The following MKX variants were observed in gnomAD, a reference collection of about 807,000 sequenced individuals.
MKX encodes homeobox protein Mohawk.
A neutral mutation model predicts 36.0 loss-of-function variants in MKX; 13 were observed. That is an observed-to-expected ratio of 0.36 (90% CI 0.24 to 0.57). MKX has a LOEUF of 0.57. MKX is among the 20% of genes least tolerant of loss of function. MKX has a pLI of 0.79. For missense variants in MKX, 458 were observed against 456.4 expected, an observed-to-expected ratio of 1.00 and a Z score of -0.03; for synonymous variants, 176 against 178.3, an observed-to-expected ratio of 0.99 and a Z score of 0.10.
Position 27,674,156 on chromosome 10 carries a change from C to G in MKX, c.*1073G>C, listed in dbSNP as rs1836099622. 6.6e-6 allele frequency: 1 copy of G among 152,276 alleles called. No homozygotes were observed. The highest frequency in any genetic ancestry group is 1.9e-4 in the East Asian group (1 of 5,190). 9.4% of individuals were successfully genotyped at this position (152,276 alleles called of 1,614,324 possible). A position where few individuals can be genotyped will look rare whatever the true frequency, so the allele number is the denominator to read the frequency against. On this transcript the variant is annotated 3_prime_UTR_variant, in exon 7 of 7. Coordinates refer to ENST00000419761, the MANE Select transcript of MKX (RefSeq NM_173576.3). ...ACTTCATTTTTACTTTAATGTCCAA[C>G]TTGGCAAAATTCAAACTGTTCAATG... is the stretch of plus-strand genomic sequence containing the variant.
In MKX at chr10:27,744,711, T is replaced by TACACACACACACAC. The variant is rs3063184; in HGVS notation, c.-83+982_-83+995dup. 4.9e-5 allele frequency: 7 copies of TACACACACACACAC among 142,522 alleles called. No individual in the cohort carries two copies. Among genetic ancestry groups the TACACACACACACAC allele is most frequent in the South Asian group, 2.3e-4 (1 of 4,374 alleles). 8.8% of individuals were successfully genotyped at this position (142,522 alleles called of 1,614,324 possible). On this transcript the variant is annotated intron_variant, in intron 1 of 6. Coordinates refer to ENST00000419761, the MANE Select transcript of MKX (RefSeq NM_173576.3). The surrounding 1 kb of genome is among the most constrained non-coding windows in gnomAD (Gnocchi z 5.6). ...CTCCACTAACACACGCGCGCGCGCATACACACACACACACACACACACACA... is the reference window on the plus strand; with the variant it reads ...CTCCACTAACACACGCGCGCGCGCATACACACACACACACACACACACACACACACACACACACA...
At chr10:27,721,125 A>T (rs1015621331) in intron 5 of MKX, among the ~76,000 whole-genome samples, 18 of 152,216 alleles carry the variant, frequency 1.2e-4, no homozygotes, top group Non-Finnish European at 1.5e-5. Flanking sequence ...TATCATGGAC[A>T]AAAATATTCT....
In MKX at chr10:27,672,923, C is replaced by A. The variant is rs1162966917; in HGVS notation, c.*2306G>T. On this transcript the variant is annotated 3_prime_UTR_variant, in exon 7 of 7. Transcript: ENST00000419761. ...TTTTAAATCTGTCAAGAACTCCTGG[C>A]AGTTATTAATTTTATTAAAATGATT... 1 of 152,108 alleles carries A rather than the reference C, an allele frequency of 6.6e-6. No individual in the cohort carries two copies. The highest frequency in any genetic ancestry group is 1.5e-5 in the Non-Finnish European group (1 of 68,012). 9.4% of individuals were successfully genotyped at this position (152,108 alleles called of 1,614,324 possible).
At chr10:27,735,424 G>C in intron 3 of MKX, 50 bp from the exon 4 acceptor site, 4 of 1,508,450 alleles carry the variant, frequency 2.7e-6, no homozygotes, top group Non-Finnish European at 3.6e-6. Context: ...CATTATCCAT[G>C]GTGCGATTAT....
At chr10:27,743,182 C>T in intron 2 of MKX, 46 bp downstream of exon 2, 2 of 1,409,776 alleles carry the variant, frequency 1.4e-6, no homozygotes. Context: ...CCACCCCCAC[C>T]CCTCCGGGCC....
intron 5 of MKX, among the ~76,000 whole-genome samples, chr10:27,688,737 C>G (rs1368486554): frequency 6.6e-6 from 1 of 152,174 alleles, no homozygotes; most frequent in Non-Finnish European, 1.5e-5. Flanking sequence ...TATAGTGCTT[C>G]TTAGCTAAAT....
At chr10:27,707,528 T>A (rs1836778393) in intron 5 of MKX, among the ~76,000 whole-genome samples, 1 of 151,984 alleles carries the variant, frequency 6.6e-6, no homozygotes, top group Non-Finnish European at 1.5e-5. Context: ...CCTGGGTAAT[T>A]AGGAGGCAAC....
At chr10:27,712,430 T>C (rs1836889722) in intron 5 of MKX, among the ~76,000 whole-genome samples, 1 of 152,104 alleles carries the variant, frequency 6.6e-6, no homozygotes, top group African/African-American at 2.4e-5. Flanking sequence ...GTTTGGGAGT[T>C]GAAGCAGGAG....
chr10:27,700,969 T>C (rs1345312353), intron 5 of MKX, among the ~76,000 whole-genome samples: 1 of 152,186 alleles, frequency 6.6e-6, no homozygotes, highest in Admixed American at 6.5e-5. Context: ...TAGGTGTATA[T>C]ACCTATTTTA....
intron 5 of MKX, among the ~76,000 whole-genome samples, chr10:27,711,469 TTC>T (rs368158348): frequency 0.031 from 250 of 8,016 alleles, 3 homozygotes; most frequent in African/African-American, 0.078. Flanking sequence ...CTTTCTTTCT[TTC>T]TTTCTTTCTT....
At chr10:27,716,881 G>A (rs764420050) in intron 5 of MKX, among the ~76,000 whole-genome samples, 2 of 152,138 alleles carry the variant, frequency 1.3e-5, no homozygotes, top group Non-Finnish European at 2.9e-5. Context: ...CTATACAGAT[G>A]TAATTAAGAT....
intron 5 of MKX, among the ~76,000 whole-genome samples, chr10:27,677,484 C>T (rs900311517): frequency 3.3e-5 from 5 of 152,076 alleles, no homozygotes; most frequent in African/African-American, 1.2e-4. Flanking sequence ...GGCAAAATTT[C>T]CCAGGAAGAG....
At chr10:27,694,581 GC>G (rs1162248776) in intron 5 of MKX, among the ~76,000 whole-genome samples, 1 of 147,614 alleles carries the variant, frequency 6.8e-6, no homozygotes, top group Non-Finnish European at 1.5e-5. Flanking sequence ...TGTAGTCCCA[GC>G]TACTCGGGAG....
chr10:27,701,404 T>C (rs982679689), intron 5 of MKX, among the ~76,000 whole-genome samples: 25 of 146,882 alleles, frequency 1.7e-4, no homozygotes, highest in African/African-American at 6.2e-4. Flanking sequence ...AATTATAAAA[T>C]ATAACAGGTT....
intron 5 of MKX, among the ~76,000 whole-genome samples, chr10:27,711,779 T>A (rs564892843): frequency 1.3e-5 from 2 of 149,326 alleles, no homozygotes; most frequent in South Asian, 4.3e-4. Context: ...AGAAATGGGG[T>A]CTCGGTATGT....
At chr10:27,679,403 G>C (rs1247810463) in intron 5 of MKX, among the ~76,000 whole-genome samples, 1 of 150,852 alleles carries the variant, frequency 6.6e-6, no homozygotes, top group Non-Finnish European at 1.5e-5. Context: ...GAAGGGCCGG[G>C]GGTGGGCAGT....
Position 27,675,183 on chromosome 10 carries a change from A to C in MKX, c.*46T>G. 1.3e-6 allele frequency: 2 copies of C among 1,580,368 alleles called. No individual in the cohort carries two copies. The highest frequency in any genetic ancestry group is 1.2e-5 in the South Asian group (1 of 86,074). Reference sequence around the variant, plus strand: ...TCGGCTCTTAGGATGAGGGTTGATGAAAACACCGGAAAGAACATCCATTGG... The same window carrying C: ...TCGGCTCTTAGGATGAGGGTTGATGCAAACACCGGAAAGAACATCCATTGG... On this transcript the variant is annotated 3_prime_UTR_variant, in exon 7 of 7. Coordinates refer to ENST00000419761, the MANE Select transcript of MKX (RefSeq NM_173576.3).
At chr10:27,682,292 T>A (rs1836268002) in intron 5 of MKX, among the ~76,000 whole-genome samples, 1 of 152,260 alleles carries the variant, frequency 6.6e-6, no homozygotes, top group Non-Finnish European at 1.5e-5. Context: ...GTCAAAACTT[T>A]TTTTAAAAAG....
intron 5 of MKX, among the ~76,000 whole-genome samples, chr10:27,724,426 G>A (rs1368064756): frequency 6.6e-6 from 1 of 152,118 alleles, no homozygotes; most frequent in Non-Finnish European, 1.5e-5. Context: ...GCTTTGTTTG[G>A]TTGTGTGACC....
Sources: allele counts gnomAD v4.1 joint callset (sites outside exome capture counted in the v4.1 genomes callset), GRCh38; gene constraint gnomAD v4.1.1; non-coding constraint Gnocchi (gnomAD v3.1); transcripts MANE v1.5; gene names NCBI Gene and HGNC (gene_info 2026-07-23, HGNC 2026-07-21).